LIMS1: variants seen among roughly 807,000 people sequenced by gnomAD.
LIMS1 encodes the protein LIM and senescent cell antigen-like-containing domain protein 1.
Under a neutral mutation model 44.1 loss-of-function variants are expected in LIMS1, and 18 were observed. That is an observed-to-expected ratio of 0.41 (90% CI 0.28 to 0.61). LIMS1 has a LOEUF of 0.61. LIMS1 is among the 20% of genes least tolerant of loss of function. The pLI, the probability that LIMS1 is intolerant of heterozygous loss-of-function variation, is 0.32. For synonymous variants in LIMS1, 93 were observed against 149.1 expected (o/e 0.62, Z 2.74); for missense variants, 201 against 422.0 (o/e 0.48, Z 4.59).
At chr2:108,552,144 A>G (rs1318376045) in intron 1 of LIMS1, among the ~76,000 whole-genome samples, 1 of 145,786 alleles carries the variant, frequency 6.9e-6, no homozygotes, top group African/African-American at 2.5e-5. Context: ...ACTTAACTAT[A>G]TAATTATAGT....
intron 1 of LIMS1, among the ~76,000 whole-genome samples, chr2:108,582,954 G>A (rs1470451709): frequency 3.9e-5 from 6 of 152,026 alleles, no homozygotes; most frequent in Non-Finnish European, 8.8e-5. Flanking sequence ...GCCCTTAATT[G>A]TTCCTTTATA....
intron 1 of LIMS1, among the ~76,000 whole-genome samples, chr2:108,593,316 T>C (rs1686502628): frequency 1.3e-5 from 2 of 152,214 alleles, no homozygotes; most frequent in Non-Finnish European, 2.9e-5. Flanking sequence ...CATTCTTCTC[T>C]TTCTTTTGCT....
chr2:108,675,728 G>A, intron 5 of LIMS1, 150 bp from the exon 6 acceptor site: 1 of 893,180 alleles, frequency 1.1e-6, no homozygotes, highest in Non-Finnish European at 1.7e-6. Context: ...TATTAATTCA[G>A]GTTATTCTGA....
intron 1 of LIMS1, among the ~76,000 whole-genome samples, chr2:108,644,794 G>A (rs536692166): frequency 6.6e-6 from 1 of 152,074 alleles, no homozygotes; most frequent in South Asian, 2.1e-4. Context: ...CCAGTTTAGA[G>A]AAGAACATAA....
intron 1 of LIMS1, among the ~76,000 whole-genome samples, chr2:108,656,230 T>C (rs1191617900): frequency 6.6e-6 from 1 of 150,906 alleles, no homozygotes; most frequent in East Asian, 2.0e-4. Context: ...ATATCAGTTG[T>C]GCTGTGTGAG....
At chr2:108,539,999 A>C (rs1330527088) in intron 1 of LIMS1, among the ~76,000 whole-genome samples, 1 of 151,988 alleles carries the variant, frequency 6.6e-6, no homozygotes, top group African/African-American at 2.4e-5. Flanking sequence ...AAATCTTTCA[A>C]ATGAACATAA....
intron 1 of LIMS1, among the ~76,000 whole-genome samples, chr2:108,548,319 C>T (rs1195128344): frequency 1.3e-5 from 2 of 151,416 alleles, no homozygotes; most frequent in Non-Finnish European, 2.9e-5. Flanking sequence ...GGCTAACCCA[C>T]ATCAGGAATT....
intron 1 of LIMS1, among the ~76,000 whole-genome samples, chr2:108,579,555 A>T (rs930345314): frequency 6.6e-6 from 1 of 152,284 alleles, no homozygotes; most frequent in Admixed American, 6.5e-5. Flanking sequence ...ATATTAAAAT[A>T]CAATGAATTT....
At chr2:108,587,948 A>G (rs536081989) in intron 1 of LIMS1, among the ~76,000 whole-genome samples, 2 of 152,156 alleles carry the variant, frequency 1.3e-5, no homozygotes, top group African/African-American at 4.8e-5. Context: ...TAGCTGCTTG[A>G]CCCCAGAGTA....
exon 10 of LIMS1, chr2:108,684,986 G>A (rs1171638038): frequency 6.6e-6 from 1 of 152,006 alleles, no homozygotes; most frequent in Non-Finnish European, 1.5e-5. Flanking sequence ...CCATCTCACA[G>A]AATACCAACT....
At chr2:108,615,562 G>A (rs1266992586) in intron 1 of LIMS1, among the ~76,000 whole-genome samples, 1 of 152,138 alleles carries the variant, frequency 6.6e-6, no homozygotes, top group Non-Finnish European at 1.5e-5. Context: ...CAAAGAAAAG[G>A]TGTTCATGGA....
At chr2:108,669,938 C>T (rs1016772323) in intron 2 of LIMS1, among the ~76,000 whole-genome samples, 3 of 152,132 alleles carry the variant, frequency 2.0e-5, no homozygotes, top group African/African-American at 7.2e-5. Context: ...CTATACTAAT[C>T]ATTCTAATGA....
rs1491348100 is a variant in LIMS1, at chr2:108,680,563, AAG to A, written c.824-131_824-130del. The A allele has an allele frequency of 2.1e-3, 854 of 412,454 alleles. 38 individuals are homozygous for A. The East Asian group carries it at 0.046, about 22-fold the overall frequency. The allele number at this position is 412,454 out of a possible 1,614,324, so 25.5% of individuals were successfully genotyped here. ...TTTAAAAAAAAAAAAAAAAAAAAAAAAGGTTCTTGAGAACCTCCACCAAGTGC... is the reference window on the plus strand; with the variant it reads ...TTTAAAAAAAAAAAAAAAAAAAAAAAGTTCTTGAGAACCTCCACCAAGTGC... On this transcript the variant is annotated intron_variant, in intron 8 of 9. Coordinates refer to ENST00000544547, the Ensembl canonical transcript of LIMS1.
intron 1 of LIMS1, among the ~76,000 whole-genome samples, chr2:108,543,691 G>T (rs1015997410): frequency 1.3e-5 from 2 of 152,150 alleles, no homozygotes; most frequent in East Asian, 3.8e-4. Context: ...TAGATTAAAA[G>T]AAGTTAATCA....
chr2:108,681,234 G>T, intron 9 of LIMS1: 2 of 1,249,158 alleles, frequency 1.6e-6, no homozygotes, highest in Non-Finnish European at 2.0e-6. Context: ...TTTTGGGCAT[G>T]TATTTGTAGT....
exon 2 of LIMS1, chr2:108,659,636 T>G (rs764756170): frequency 2.5e-6 from 4 of 1,612,094 alleles, no homozygotes; most frequent in Admixed American, 3.3e-5. Flanking sequence ...CAGCGCCACT[T>G]GCGAGCGCTG....
chr2:108,593,346 C>T (rs555979365), intron 1 of LIMS1, among the ~76,000 whole-genome samples: 1 of 152,240 alleles, frequency 6.6e-6, no homozygotes, highest in East Asian at 1.9e-4. Flanking sequence ...CTTAAATCTT[C>T]TCCCCTTCGA....
At chr2:108,560,694 G>A (rs1474498764) in intron 1 of LIMS1, among the ~76,000 whole-genome samples, 1 of 151,880 alleles carries the variant, frequency 6.6e-6, no homozygotes, top group East Asian at 1.9e-4. Context: ...ACACAGCTTC[G>A]ATGGATGGAT....
intron 2 of LIMS1, among the ~76,000 whole-genome samples, chr2:108,668,637 A>G (rs954530877): frequency 2.0e-5 from 3 of 152,144 alleles, no homozygotes; most frequent in Non-Finnish European, 4.4e-5. Context: ...GTTGCTTCCA[A>G]ATCTTGGCTG....
Sources: allele counts gnomAD v4.1 joint callset (sites outside exome capture counted in the v4.1 genomes callset), GRCh38; gene constraint gnomAD v4.1.1; transcripts MANE v1.5; gene names NCBI Gene and HGNC (gene_info 2026-07-23, HGNC 2026-07-21).